Variants in PTPRE observed in about 807,000 individuals in gnomAD.
PTPRE encodes the protein receptor-type tyrosine-protein phosphatase epsilon.
PTPRE carries 51 observed loss-of-function variants against 102.0 expected under a neutral mutation model. The observed-to-expected ratio is 0.50, with a 90% CI of 0.40 to 0.63. The LOEUF (loss-of-function observed/expected upper bound fraction) is 0.63, where lower values mean the gene tolerates loss of function less well. PTPRE is among the 30% of genes least tolerant of loss of function. The pLI is 0.00. For synonymous variants in PTPRE, 345 were observed against 348.2 expected (o/e 0.99, Z 0.10); for missense variants, 752 against 915.1 (o/e 0.82, Z 2.30).
intron 3 of PTPRE, among the ~76,000 whole-genome samples, chr10:128,042,257 C>T (rs577728417): frequency 1.6e-4 from 25 of 152,342 alleles, no homozygotes; most frequent in African/African-American, 5.3e-4. Flanking sequence ...AATGGCAGAA[C>T]ATCCGTTTGC....
intron 1 of PTPRE, among the ~76,000 whole-genome samples, chr10:127,930,982 G>A (rs779825973): frequency 5.9e-5 from 9 of 151,888 alleles, no homozygotes; most frequent in South Asian, 2.1e-4. Flanking sequence ...TAATAGGGAC[G>A]GGGTTTCGCC....
In PTPRE at chr10:128,069,614, C is replaced by T. The variant is rs528070322; in HGVS notation, c.1008-78C>T. The T allele has an allele frequency of 7.9e-5, 123 of 1,557,914 alleles. 1 individual carries two copies. In the South Asian group the frequency reaches 9.3e-4, roughly 12 times the overall value. On this transcript the variant is annotated intron_variant, in intron 12 of 20. Transcript: ENST00000254667. ...AAAGTTGCATCCAGTGACCTGGGTG[C>T]GCAGGCCCCTTCGGGGCCTTTCATT... is the stretch of plus-strand genomic sequence containing the variant.
chr10:127,971,300 A>T (rs1850710670), intron 1 of PTPRE, among the ~76,000 whole-genome samples: 1 of 152,250 alleles, frequency 6.6e-6, no homozygotes, highest in African/African-American at 2.4e-5. Context: ...AAGACGAAGT[A>T]TCAGGGAGCT....
In PTPRE at chr10:128,008,260, C is replaced by T. The variant is rs796951754; in HGVS notation, c.-8+25964C>T. ...CCCTTTCACCCTCCCTCCCTCTCTC[C>T]CTCATTCCCTCCCTCCCTCCCTCCA... On this transcript the variant is annotated intron_variant, in intron 2 of 20. Transcript: ENST00000254667. This position sits in a 1 kb window ranked among gnomAD's most constrained non-coding sequence, Gnocchi z 4.0. Among the ~76,000 whole-genome samples the T allele has an allele frequency of 5.3e-5, 8 of 151,828 alleles. No homozygotes were observed. The highest frequency in any genetic ancestry group is 1.9e-4 in the African/African-American group (8 of 41,434).
At chr10:127,969,307 G>A (rs1850506170) in intron 1 of PTPRE, among the ~76,000 whole-genome samples, 1 of 152,222 alleles carries the variant, frequency 6.6e-6, no homozygotes, top group African/African-American at 2.4e-5. Context: ...GCTGTTGCTG[G>A]GCTCGGGACG....
intron 20 of PTPRE, among the ~76,000 whole-genome samples, chr10:128,082,195 C>CTCTCTTTTTTTTTT (rs1554951767): frequency 4.5e-5 from 4 of 89,064 alleles, no homozygotes; most frequent in African/African-American, 1.8e-4. Flanking sequence ...TTTTCTCTTT[C>CTCTCTTTTTTTTTT]TTTTTTTTTT....
chr10:127,920,255 C>G (rs1017856797), intron 1 of PTPRE, among the ~76,000 whole-genome samples: 4 of 152,190 alleles, frequency 2.6e-5, no homozygotes, highest in Non-Finnish European at 5.9e-5. Flanking sequence ...TTTGTGAAGG[C>G]TGGAAAGCCT....
At chr10:128,056,812 G>A (rs1258938171) in intron 7 of PTPRE, among the ~76,000 whole-genome samples, 3 of 152,132 alleles carry the variant, frequency 2.0e-5, no homozygotes, top group Non-Finnish European at 4.4e-5. Context: ...ATGTGTGCGG[G>A]GGTGCGTCTC....
chr10:128,045,914 CT>C (rs1848050767), intron 3 of PTPRE, among the ~76,000 whole-genome samples: 1 of 152,220 alleles, frequency 6.6e-6, no homozygotes, highest in African/African-American at 2.4e-5. Flanking sequence ...TGCCAGGCTA[CT>C]GACACTGCTA....
At chr10:128,056,872 G>A (rs1165123896) in intron 7 of PTPRE, among the ~76,000 whole-genome samples, 1 of 152,044 alleles carries the variant, frequency 6.6e-6, no homozygotes, top group African/African-American at 2.4e-5. Context: ...AGCTTTCACA[G>A]CCTGTCTTGG....
Position 127,982,275 on chromosome 10 carries a change from CTA to C in PTPRE, c.-26_-25del, listed in dbSNP as rs1851696596. The C allele has an allele frequency of 7.9e-7, 1 of 1,268,722 alleles. No individual in the cohort carries two copies. The highest frequency in any genetic ancestry group is 2.4e-5 in the Admixed American group (1 of 41,544). 78.6% of individuals were successfully genotyped at this position (1,268,722 alleles called of 1,614,324 possible). A position where few individuals can be genotyped will look rare whatever the true frequency, so the allele number is the denominator to read the frequency against. ...TTTTTTTTCTTCTTTCTTCTTCAGA[CTA>C]TAGCCTTCACTTTCCCTCGGTGAGT... is the stretch of plus-strand genomic sequence containing the variant. On this transcript the variant is annotated splice_region_variant and 5_prime_UTR_variant, in exon 2 of 21. It removes the in-frame stop codon of an upstream open reading frame in the 5' UTR. Transcript: ENST00000254667.
chr10:127,954,225 C>T (rs1228104919), intron 1 of PTPRE, among the ~76,000 whole-genome samples: 12 of 152,138 alleles, frequency 7.9e-5, no homozygotes, highest in Non-Finnish European at 1.8e-4. Flanking sequence ...ACAACATGGA[C>T]TTCTACTTAC....
intron 6 of PTPRE, among the ~76,000 whole-genome samples, chr10:128,052,113 C>T (rs547046917): frequency 6.6e-6 from 1 of 152,282 alleles, no homozygotes; most frequent in Middle Eastern, 3.4e-3. Context: ...GAAGGGCTGG[C>T]CATGTCCTGA....
intron 1 of PTPRE, among the ~76,000 whole-genome samples, chr10:127,917,900 C>T (rs116033272): frequency 0.01 from 1,582 of 151,952 alleles, 21 homozygotes; most frequent in African/African-American, 0.036. Flanking sequence ...CACGCTGGCA[C>T]GCACCTGTAA....
intron 20 of PTPRE, among the ~76,000 whole-genome samples, chr10:128,079,940 G>A (rs1222980397): frequency 1.3e-5 from 2 of 152,202 alleles, no homozygotes; most frequent in Non-Finnish European, 2.9e-5. Flanking sequence ...TTCAATGTCT[G>A]AGACCACTCG....
At chr10:128,038,299 A>C (rs962056249) in intron 2 of PTPRE, among the ~76,000 whole-genome samples, 1 of 152,194 alleles carries the variant, frequency 6.6e-6, no homozygotes, top group African/African-American at 2.4e-5. Flanking sequence ...CAGCCATCCC[A>C]TTACTGGGTA....
chr10:128,070,529 A>C lies in PTPRE; in HGVS notation c.1293+79A>C. The C allele has an allele frequency of 7.2e-6, 11 of 1,518,498 alleles. No individual in the cohort carries two copies. Among genetic ancestry groups the C allele is most frequent in the Non-Finnish European group, 9.8e-6 (11 of 1,127,742 alleles). The allele number at this position is 1,518,498 out of a possible 1,614,324, so 94.1% of individuals were successfully genotyped here. Reference sequence around the variant, plus strand: ...GGAAAACAGGTGACCATTTAAAGGAAGCCTCTTTCAATCACTTGCCCCTTA... The same window carrying C: ...GGAAAACAGGTGACCATTTAAAGGACGCCTCTTTCAATCACTTGCCCCTTA... On this transcript the variant is annotated intron_variant, in intron 14 of 20. Transcript: ENST00000254667. The surrounding 1 kb of genome is among the most constrained non-coding windows in gnomAD (Gnocchi z 4.8).
At chr10:128,018,045 G>A (rs546398783) in intron 2 of PTPRE, among the ~76,000 whole-genome samples, 23 of 152,282 alleles carry the variant, frequency 1.5e-4, no homozygotes, top group African/African-American at 4.6e-4. Flanking sequence ...GGCTTCTCAC[G>A]CCCACAACAG....
At chr10:128,027,894 C>G (rs919535415) in intron 2 of PTPRE, among the ~76,000 whole-genome samples, 18 of 152,204 alleles carry the variant, frequency 1.2e-4, no homozygotes, top group Non-Finnish European at 2.9e-5. Flanking sequence ...GTGACAGTCC[C>G]AGGACACCCA....
Sources: gnomAD v4.1 joint callset for allele counts (sites outside exome capture counted in the v4.1 genomes callset) on GRCh38, gnomAD v4.1.1 for gene constraint, Gnocchi (gnomAD v3.1) non-coding constraint, MANE v1.5 for transcripts, NCBI Gene and HGNC (gene_info 2026-07-23, HGNC 2026-07-21) for gene names.